AGBL1: variants seen among roughly 807,000 people sequenced by gnomAD.
The protein encoded by AGBL1 is cytosolic carboxypeptidase 4.
A neutral mutation model predicts 118.9 loss-of-function variants in AGBL1; 130 were observed. The ratio of observed to expected loss-of-function variants is 1.09; its 90% confidence interval spans 0.95 to 1.26. AGBL1 has a LOEUF of 1.26. Ranked by LOEUF, AGBL1 falls within the 50% of genes most tolerant of loss-of-function variation. The pLI, the probability that AGBL1 is intolerant of heterozygous loss-of-function variation, is 0.00. For missense variants in AGBL1, 1,584 were observed against 1,298.1 expected (o/e 1.22, Z -3.38); for synonymous variants, 555 against 478.9 (o/e 1.16, Z -2.08).
chr15:86,664,381 C>A lies in AGBL1; in HGVS notation c.2995-9892C>A, dbSNP rs77654078. On this transcript the variant is annotated intron_variant, in intron 21 of 22. Coordinates refer to ENST00000614907, the MANE Select transcript of AGBL1 (RefSeq NM_001386094.1). ...ATTAGAGTTCACAGATCTGCATGGT[C>A]TGATTGACTCAGTTTTAACTTCTCT... Among the ~76,000 whole-genome samples the A allele has an allele frequency of 1.8e-4, 27 of 152,300 alleles. 1 individual carries two copies. In the South Asian group the frequency reaches 4.8e-3, roughly 27 times the overall value.
At chr15:86,972,220 A>T (rs1189456266) in intron 23 of AGBL1, among the ~76,000 whole-genome samples, 1 of 152,034 alleles carries the variant, frequency 6.6e-6, no homozygotes, top group African/African-American at 2.4e-5. Flanking sequence ...CCACTCTGTG[A>T]GCCCTAGTTG....
In AGBL1 at chr15:86,639,446, C is replaced by G. The variant is rs143282468; in HGVS notation, c.2995-34827C>G. ...TTAATGTGGTGGCCAAAGAAAGAGT[C>G]TGGTGGCTAAATGTGATTTCAGTGG... On this transcript the variant is annotated intron_variant, in intron 21 of 22. Transcript: ENST00000614907. 1.7e-3 allele frequency among the ~76,000 whole-genome samples: 263 copies of G among 152,306 alleles called. 1 individual carries two copies. Among genetic ancestry groups the G allele is most frequent in the Non-Finnish European group, 2.2e-3 (152 of 68,036 alleles).
intron 22 of AGBL1, among the ~76,000 whole-genome samples, chr15:86,701,416 A>T (rs1483024387): frequency 6.6e-6 from 1 of 152,074 alleles, no homozygotes; most frequent in Non-Finnish European, 1.5e-5. Context: ...AGTTGATAGA[A>T]TCCACATGGA....
chr15:86,605,988 G>T (rs530890279), intron 21 of AGBL1, among the ~76,000 whole-genome samples: 2 of 151,968 alleles, frequency 1.3e-5, no homozygotes, highest in East Asian at 3.9e-4. Context: ...TTAGCCTGGC[G>T]TGGTGGCAGG....
intron 19 of AGBL1, among the ~76,000 whole-genome samples, chr15:86,534,936 G>A (rs949936367): frequency 4.6e-5 from 7 of 152,140 alleles, no homozygotes; most frequent in African/African-American, 7.2e-5. Context: ...GGTTAGCAGA[G>A]ATGTTCAATA....
rs1436842616 is a variant in AGBL1 at position 86,408,438 on chromosome 15, CT to C, written c.2555+10894del. Among the ~76,000 whole-genome samples the C allele has an allele frequency of 2.0e-5, 3 of 152,330 alleles. No homozygotes were observed. In the East Asian group the frequency reaches 5.8e-4, roughly 29 times the overall value. On this transcript the variant is annotated intron_variant, in intron 18 of 22. Transcript: ENST00000614907. ...AATCATAATCTCTTCGCAGTTAAAGCTTAACCTCTACCAGTCATCTGTTCCT... is the reference window on the plus strand; with the variant it reads ...AATCATAATCTCTTCGCAGTTAAAGCTAACCTCTACCAGTCATCTGTTCCT...
chr15:86,167,411 A>T (rs2077356971), intron 5 of AGBL1, among the ~76,000 whole-genome samples: 1 of 151,986 alleles, frequency 6.6e-6, no homozygotes, highest in African/African-American at 2.4e-5. Context: ...ATGCCCAGCT[A>T]ATTTTTATAT....
intron 22 of AGBL1, among the ~76,000 whole-genome samples, chr15:86,881,385 G>A (rs2079890009): frequency 6.6e-6 from 1 of 152,030 alleles, no homozygotes; most frequent in African/African-American, 2.4e-5. Flanking sequence ...TGTCCACTTG[G>A]TAATCTGTCA....
chr15:86,251,815 A>C (rs561380360), intron 7 of AGBL1, among the ~76,000 whole-genome samples: 1 of 109,376 alleles, frequency 9.1e-6, no homozygotes, highest in South Asian at 2.7e-4. Flanking sequence ...ATTTGAATGC[A>C]AGATTGAAAA....
At chr15:86,678,358 G>T (rs2085887897) in intron 22 of AGBL1, among the ~76,000 whole-genome samples, 1 of 152,100 alleles carries the variant, frequency 6.6e-6, no homozygotes, top group Non-Finnish European at 1.5e-5. Flanking sequence ...ATTTTTAGGA[G>T]AAAATGGGGT....
intron 22 of AGBL1, among the ~76,000 whole-genome samples, chr15:86,704,669 T>C (rs2086417167): frequency 6.6e-6 from 1 of 152,140 alleles, no homozygotes; most frequent in Admixed American, 6.5e-5. Flanking sequence ...CAGGAACGCT[T>C]TTACATTGTT....
chr15:86,558,029 T>A (rs1167242007), intron 21 of AGBL1, among the ~76,000 whole-genome samples: 1 of 152,046 alleles, frequency 6.6e-6, no homozygotes, highest in Middle Eastern at 3.2e-3. Context: ...GGCTGAGATC[T>A]CTTAGACCTG....
intron 22 of AGBL1, among the ~76,000 whole-genome samples, chr15:86,880,486 G>A (rs944873513): frequency 1.3e-5 from 2 of 152,178 alleles, no homozygotes; most frequent in Non-Finnish European, 2.9e-5. Context: ...AAAAGAAAAC[G>A]TTCTTTGAGT....
At chr15:86,427,266 C>T (rs538792451) in intron 18 of AGBL1, among the ~76,000 whole-genome samples, 29 of 152,124 alleles carry the variant, frequency 1.9e-4, no homozygotes, top group African/African-American at 6.5e-4. Flanking sequence ...ATAAGGGTGA[C>T]GACAAATGTG....
intron 24 of AGBL1, among the ~76,000 whole-genome samples, chr15:87,015,455 A>T (rs2081600358): frequency 6.6e-6 from 1 of 151,972 alleles, no homozygotes; most frequent in Non-Finnish European, 1.5e-5. Flanking sequence ...GACCGAATAT[A>T]CTATGTGTAT....
intron 23 of AGBL1, among the ~76,000 whole-genome samples, chr15:86,928,986 T>G (rs1313022895): frequency 1.3e-5 from 2 of 152,126 alleles, no homozygotes; most frequent in African/African-American, 4.8e-5. Flanking sequence ...TCTCCAGAAC[T>G]TTTTTTTAAT....
At chr15:86,116,582 C>T (rs936237681) in intron 1 of AGBL1, 1 of 152,406 alleles carries the variant, frequency 6.6e-6, no homozygotes, top group Admixed American at 6.5e-5. Flanking sequence ...TGAACTTACT[C>T]TCTCTTCTTG....
intron 1 of AGBL1, among the ~76,000 whole-genome samples, chr15:86,126,890 C>T (rs1011392975): frequency 2.6e-5 from 4 of 152,158 alleles, no homozygotes; most frequent in Admixed American, 2.0e-4. Context: ...TGGTGGGAAA[C>T]ATTCTGCTTT....
At chr15:86,814,883 T>C (rs1265102858) in intron 22 of AGBL1, among the ~76,000 whole-genome samples, 1 of 152,174 alleles carries the variant, frequency 6.6e-6, no homozygotes, top group Non-Finnish European at 1.5e-5. Flanking sequence ...CTTGTGGAAA[T>C]TGCCTGACGA....
Sources: gnomAD v4.1 joint callset for allele counts (sites outside exome capture counted in the v4.1 genomes callset) on GRCh38, gnomAD v4.1.1 for gene constraint, MANE v1.5 for transcripts, NCBI Gene and HGNC (gene_info 2026-07-23, HGNC 2026-07-21) for gene names.